Variants in PCSK9 observed in about 807,000 individuals in gnomAD.
The protein encoded by PCSK9 is proprotein convertase subtilisin/kexin type 9, also known as convertase subtilisin/kexin type 9 preproprotein.
Under a neutral mutation model 62.1 loss-of-function variants are expected in PCSK9, and 57 were observed. The observed-to-expected ratio is 0.92, with a 90% CI of 0.74 to 1.14. The LOEUF is 1.14. PCSK9 is among the 50% of genes most tolerant of loss of function. The probability of loss-of-function intolerance (pLI) is 0.00; values close to 1 mark genes in which losing one functional copy is unlikely to be tolerated. For synonymous variants in PCSK9, 387 were observed against 409.4 expected (o/e 0.95, Z 0.66); for missense variants, 870 against 959.8 (o/e 0.91, Z 1.24).
chr1:55,046,500 C>G (rs1384461533), intron 2 of PCSK9, 23 bp from the exon 3 acceptor site: 3 of 1,614,098 alleles, frequency 1.9e-6, no homozygotes, highest in Non-Finnish European at 2.5e-6. Flanking sequence ...AGCAGAGTCC[C>G]CCGGCCTCTC....
chr1:55,049,773 G>C (rs1644660102), intron 3 of PCSK9, among the ~76,000 whole-genome samples: 1 of 152,238 alleles, frequency 6.6e-6, no homozygotes, highest in African/African-American at 2.4e-5. Flanking sequence ...TGAGCGGGCA[G>C]GAACCGCCTG....
At chr1:55,044,151 A>T in intron 2 of PCSK9, 117 bp downstream of exon 2, 1 of 1,215,206 alleles carries the variant, frequency 8.2e-7, no homozygotes, top group Admixed American at 1.9e-5. Flanking sequence ...GCAAGTATGT[A>T]TTGAGCACTT....
intron 5 of PCSK9, among the ~76,000 whole-genome samples, chr1:55,054,514 CTG>C (rs1402475201): frequency 6.6e-6 from 1 of 152,240 alleles, no homozygotes; most frequent in East Asian, 1.9e-4. Flanking sequence ...AGGAGCATGG[CTG>C]TGAGATTCCA....
Position 55,043,941 on chromosome 1 carries a change from TGC to T in PCSK9, c.307_308del (p.Ala103ProfsTer67). 6.2e-7 allele frequency: 1 copy of T among 1,614,224 alleles called. No individual in the cohort carries two copies. The highest frequency in any genetic ancestry group is 8.5e-7 in the Non-Finnish European group (1 of 1,180,044). On this transcript the variant is annotated frameshift_variant, in exon 2 of 12. Coordinates refer to ENST00000302118, the MANE Select transcript of PCSK9 (RefSeq NM_174936.4). LOFTEE classifies it high-confidence loss of function. The part of the protein sequence containing the change: ...RTARRLQAQA[A>X]RRGYLTKILH... The stretch of plus-strand genomic sequence containing the variant: ...CTGCCCGCCGCCTGCAGGCCCAGGC[TGC>T]CCGCCGGGGATACCTCACCAAGATC...
chr1:55,039,903 C>CT lies in PCSK9; in HGVS notation c.66_67insT (p.Leu23SerfsTer148). ...CACTGCTGCTGCTGCTGCTGCTGCTCCTGGGTCCCGCGGGCGCCCGTGCGC... is the reference window on the plus strand; with the variant it reads ...CACTGCTGCTGCTGCTGCTGCTGCTCTCTGGGTCCCGCGGGCGCCCGTGCGC... On this transcript the variant is annotated frameshift_variant, in exon 1 of 12. Coordinates refer to ENST00000302118, the MANE Select transcript of PCSK9 (RefSeq NM_174936.4). LOFTEE classifies it high-confidence loss of function. 2.6e-6 allele frequency: 4 copies of CT among 1,554,710 alleles called. No homozygotes were observed. Among genetic ancestry groups the CT allele is most frequent in the Non-Finnish European group, 3.5e-6 (4 of 1,148,434 alleles).
chr1:55,064,032 G>A lies in PCSK9; in HGVS notation c.*448G>A, dbSNP rs1644783077. The A allele has an allele frequency of 5.7e-6, 1 of 176,084 alleles. No individual in the cohort carries two copies. Among genetic ancestry groups the A allele is most frequent in the Admixed American group, 5.8e-5 (1 of 17,344 alleles). The allele number at this position is 176,084 out of a possible 1,614,324, so 10.9% of individuals were successfully genotyped here. A position where few individuals can be genotyped will look rare whatever the true frequency, so the allele number is the denominator to read the frequency against. Reference sequence around the variant, plus strand: ...CTGCAGGGACAAACATCGTTGGGGGGTGAGTGTGAAAGGTGCTGATGGCCC... The same window carrying A: ...CTGCAGGGACAAACATCGTTGGGGGATGAGTGTGAAAGGTGCTGATGGCCC... On this transcript the variant is annotated 3_prime_UTR_variant, in exon 12 of 12. Transcript: ENST00000302118.
At chr1:55,056,302 G>C in intron 6 of PCSK9, 113 bp downstream of exon 6, 1 of 1,182,264 alleles carries the variant, frequency 8.5e-7, no homozygotes, top group Non-Finnish European at 1.1e-6. Context: ...CTTGTGGCAC[G>C]TTCCTGGAGG....
intron 3 of PCSK9, 181 bp from the exon 4 acceptor site, chr1:55,052,097 G>A: frequency 2.3e-6 from 2 of 874,272 alleles, no homozygotes; most frequent in South Asian, 3.1e-5. Context: ...CCCTTTCCTT[G>A]TCTATGAAAT....
rs1330891367 is a variant in PCSK9 at position 55,063,532 on chromosome 1, C to G, written c.2027C>G (p.Ala676Gly). 7 of 1,613,372 alleles carry G rather than the reference C, an allele frequency of 4.3e-6. No individual in the cohort carries two copies. Among genetic ancestry groups the G allele is most frequent in the Non-Finnish European group, 5.1e-6 (6 of 1,179,758 alleles). ...AGCGAAGGGGCCGTGACAGCCGTTG[C>G]CATCTGCTGCCGGAGCCGGCACCTG... ...STSEGAVTAV[A>G]ICCRSRHLAQ... Residue 676 changes from alanine (A) to glycine (G), a missense_variant, in exon 12 of 12, where the codon GCC becomes GGC. Transcript: ENST00000302118.
chr1:55,063,713 C>A lies in PCSK9; in HGVS notation c.*129C>A. The A allele has an allele frequency of 8.7e-7, 1 of 1,155,288 alleles. No individual in the cohort carries two copies. Among genetic ancestry groups the A allele is most frequent in the Non-Finnish European group, 1.2e-6 (1 of 834,394 alleles). 71.6% of individuals were successfully genotyped at this position (1,155,288 alleles called of 1,614,324 possible). On this transcript the variant is annotated 3_prime_UTR_variant, in exon 12 of 12. Transcript: ENST00000302118. ...AGGGGATGGGGATGCTTCCGCCTTT[C>A]CGGGGCTGCTGGCCTGGCCCTTGAG...
At chr1:55,043,084 G>A (rs538770846) in intron 1 of PCSK9, among the ~76,000 whole-genome samples, 1 of 152,308 alleles carries the variant, frequency 6.6e-6, no homozygotes, top group African/African-American at 2.4e-5. Flanking sequence ...GCAGATGCTG[G>A]TGCCATGCTT....
rs545454601 is a variant in PCSK9, at chr1:55,039,784, C to T, written c.-54C>T. 78 of 1,558,598 alleles carry T rather than the reference C, an allele frequency of 5.0e-5. No homozygotes were observed. The African/African-American group carries it at 9.4e-4, about 19-fold the overall frequency. The stretch of plus-strand genomic sequence containing the variant: ...GGCTCAAGGCGCCGCCGGCGTGGAC[C>T]GCGCACGGCCTCTAGGTCTCCTCGC... On this transcript the variant is annotated 5_prime_UTR_variant, in exon 1 of 12. Transcript: ENST00000302118.
Position 55,040,112 on chromosome 1 carries a change from G to A in PCSK9, c.207+68G>A. ...GGACGGTGCGGTGCTGTTTCCTCTC[G>A]GGCCTCAGTTTCCCCCCATGTAAGA... On this transcript the variant is annotated intron_variant, in intron 1 of 11. Coordinates refer to ENST00000302118, the MANE Select transcript of PCSK9 (RefSeq NM_174936.4). This position sits in a 1 kb window ranked among gnomAD's most constrained non-coding sequence, Gnocchi z 4.1. The A allele has an allele frequency of 2.0e-6, 3 of 1,517,254 alleles. No individual in the cohort carries two copies. The highest frequency in any genetic ancestry group is 2.7e-6 in the Non-Finnish European group (3 of 1,121,994). The allele number at this position is 1,517,254 out of a possible 1,614,324, so 94.0% of individuals were successfully genotyped here. A position where few individuals can be genotyped will look rare whatever the true frequency, so the allele number is the denominator to read the frequency against.
chr1:55,050,601 C>T (rs1434699975), intron 3 of PCSK9, among the ~76,000 whole-genome samples: 1 of 152,220 alleles, frequency 6.6e-6, no homozygotes, highest in Non-Finnish European at 1.5e-5. Flanking sequence ...AGTGGAGCTT[C>T]CTGCCGAGAC....
In PCSK9 at chr1:55,039,797, T is replaced by C; in HGVS notation, c.-41T>C. ...GCCGGCGTGGACCGCGCACGGCCTC[T>C]AGGTCTCCTCGCCAGGACAGCAACC... is the stretch of plus-strand genomic sequence containing the variant. On this transcript the variant is annotated 5_prime_UTR_variant, in exon 1 of 12. Transcript: ENST00000302118. The C allele has an allele frequency of 6.4e-7, 1 of 1,567,518 alleles. No individual in the cohort carries two copies. Among genetic ancestry groups the C allele is most frequent in the South Asian group, 1.2e-5 (1 of 85,306 alleles).
intron 3 of PCSK9, chr1:55,051,861 G>A: frequency 3.3e-6 from 1 of 306,570 alleles, no homozygotes; most frequent in East Asian, 8.8e-5. Flanking sequence ...AGACATCACT[G>A]TTATTCTCCT....
chr1:55,043,822 T>A (rs774451626), intron 1 of PCSK9, 21 bp from the exon 2 acceptor site: 1 of 1,613,562 alleles, frequency 6.2e-7, no homozygotes, highest in Non-Finnish European at 8.5e-7. Flanking sequence ...TGTCATCATG[T>A]TCCTCCTTGC....
rs563231860 is a variant in PCSK9 at position 55,053,764 on chromosome 1, C to T, written c.799+973C>T. Among the ~76,000 whole-genome samples, 6 of 152,322 alleles carry T rather than the reference C, an allele frequency of 3.9e-5. No homozygotes were observed. The South Asian group carries it at 6.2e-4, about 16-fold the overall frequency. On this transcript the variant is annotated intron_variant, in intron 5 of 11. Transcript: ENST00000302118. Reference sequence around the variant, plus strand: ...AATAACCTTCTGCCCCATCAGGTGACCCCTTGTGCCTGTCCCACCCCTTTA... The same window carrying T: ...AATAACCTTCTGCCCCATCAGGTGATCCCTTGTGCCTGTCCCACCCCTTTA...
At chr1:55,051,033 C>T (rs1644669099) in intron 3 of PCSK9, 1 of 413,880 alleles carries the variant, frequency 2.4e-6, no homozygotes, top group African/African-American at 2.1e-5. Flanking sequence ...CAGGGAACAC[C>T]AGCAGCCACC....
Sources: gnomAD v4.1 joint callset for allele counts (sites outside exome capture counted in the v4.1 genomes callset) on GRCh38, gnomAD v4.1.1 for gene constraint, Gnocchi (gnomAD v3.1) non-coding constraint, MANE v1.5 for transcripts, NCBI Gene and HGNC (gene_info 2026-07-23, HGNC 2026-07-21) for gene names.